The following DGAT2 variants were observed in gnomAD, a reference collection of about 807,000 sequenced individuals.
DGAT2 encodes acyl-CoA retinol O-fatty-acyltransferase.
A neutral mutation model predicts 48.4 loss-of-function variants in DGAT2; 33 were observed. The observed-to-expected ratio is 0.68, with a 90% CI of 0.52 to 0.91. The LOEUF is 0.91. Among genes scored for constraint, DGAT2 ranks in the 40% least tolerant of loss-of-function variants. DGAT2 has a pLI of 0.00. For synonymous variants in DGAT2, 191 were observed against 194.1 expected, an observed-to-expected ratio of 0.98 and a Z score of 0.13; for missense variants, 446 against 493.7, an observed-to-expected ratio of 0.90 and a Z score of 0.92.
chr11:75,777,239 C>T (rs957573586), intron 1 of DGAT2, among the ~76,000 whole-genome samples: 5 of 152,178 alleles, frequency 3.3e-5, no homozygotes, highest in African/African-American at 7.2e-5. Flanking sequence ...CATTCTGGCC[C>T]TTTTCCCTAA....
intron 4 of DGAT2, among the ~76,000 whole-genome samples, chr11:75,791,052 T>G (rs993978608): frequency 4.6e-5 from 7 of 152,224 alleles, no homozygotes; most frequent in African/African-American, 1.7e-4. Flanking sequence ...CCTGGTGAAT[T>G]GAGGATAACT....
intron 2 of DGAT2, among the ~76,000 whole-genome samples, 194 bp downstream of exon 2, chr11:75,784,940 C>G (rs1053282987): frequency 6.6e-6 from 1 of 152,158 alleles, no homozygotes; most frequent in Admixed American, 6.5e-5. Flanking sequence ...CATGAAGATT[C>G]AGCAAGATTC....
intron 1 of DGAT2, among the ~76,000 whole-genome samples, chr11:75,779,753 G>A (rs1203430433): frequency 1.3e-5 from 2 of 152,206 alleles, no homozygotes; most frequent in African/African-American, 2.4e-5. Context: ...AGAGACATCT[G>A]TAGGTAGCAG....
rs1314564094 is a variant in DGAT2, at chr11:75,790,194, C to T, written c.257C>T (p.Ala86Val). The change falls in exon 3 of 8, where the codon GCC (alanine) becomes GTC (valine). Residue 86 changes from alanine (A) to valine (V), a missense_variant. Physicochemically the swap from Ala to Val is moderately conservative, Grantham distance 64 (BLOSUM62 0). Coordinates refer to ENST00000228027, the MANE Select transcript of DGAT2 (RefSeq NM_032564.5). ...GTGGCCATCTGCCCCCCAGGAGTGGCCTGCAGTGCCATCCTCATGTACATA... is the reference window on the plus strand; with the variant it reads ...GTGGCCATCTGCCCCCCAGGAGTGGTCTGCAGTGCCATCCTCATGTACATA... ...WVLSFLVLGV[A>V]CSAILMYIFC... 8.1e-6 allele frequency: 13 copies of T among 1,613,434 alleles called. No individual in the cohort carries two copies. Among genetic ancestry groups the T allele is most frequent in the African/African-American group, 6.7e-5 (5 of 74,914 alleles).
intron 1 of DGAT2, among the ~76,000 whole-genome samples, chr11:75,781,544 C>CG (rs1944863810): frequency 6.6e-6 from 1 of 152,262 alleles, no homozygotes; most frequent in African/African-American, 2.4e-5. Context: ...CCTCCCAACT[C>CG]TAACGCCCAC....
chr11:75,781,063 C>T (rs1242826711), intron 1 of DGAT2, among the ~76,000 whole-genome samples: 3 of 152,224 alleles, frequency 2.0e-5, no homozygotes, highest in Non-Finnish European at 4.4e-5. Context: ...TTGTAATCAG[C>T]AGTTAGAACA....
chr11:75,789,675 C>T (rs1026754276), intron 2 of DGAT2, among the ~76,000 whole-genome samples: 1 of 152,202 alleles, frequency 6.6e-6, no homozygotes, highest in Non-Finnish European at 1.5e-5. Flanking sequence ...CACTGTCCTG[C>T]TGGGTGACCT....
chr11:75,776,675 G>C (rs1590864554), intron 1 of DGAT2: 2 of 152,362 alleles, frequency 1.3e-5, no homozygotes, highest in Admixed American at 1.3e-4. Flanking sequence ...TCCTGTGTGA[G>C]GCTTACGGGA....
At chr11:75,776,552 C>CT (rs1477744295) in intron 1 of DGAT2, 1 of 152,222 alleles carries the variant, frequency 6.6e-6, no homozygotes, top group Non-Finnish European at 1.5e-5. Flanking sequence ...ACTGACCAAA[C>CT]TAGACTTAGA....
At chr11:75,784,377 C>T (rs578069846) in intron 1 of DGAT2, 17 of 400,338 alleles carry the variant, frequency 4.2e-5, no homozygotes, top group Middle Eastern at 6.7e-4. Context: ...AAAATGACCC[C>T]GAGTGCGATA....
intron 7 of DGAT2, among the ~76,000 whole-genome samples, chr11:75,799,003 T>C (rs960146328): frequency 4.6e-5 from 7 of 152,002 alleles, no homozygotes; most frequent in African/African-American, 1.7e-4. Flanking sequence ...TTGTTTTGGG[T>C]GTATTTGGGA....
Position 75,784,851 on chromosome 11 carries a change from C to G in DGAT2, c.250+105C>G, listed in dbSNP as rs1944904735. 8.1e-6 allele frequency: 12 copies of G among 1,485,616 alleles called. No individual in the cohort carries two copies. In the Admixed American group the frequency reaches 1.1e-4, roughly 14 times the overall value. 92.0% of individuals were successfully genotyped at this position (1,485,616 alleles called of 1,614,324 possible). On this transcript the variant is annotated intron_variant, in intron 2 of 7. Coordinates refer to ENST00000228027, the MANE Select transcript of DGAT2 (RefSeq NM_032564.5). ...TACAGGGGTGAGGGAATAAGAGTAA[C>G]TCTTACACATGCTGCCCCACAGCAC...
chr11:75,799,454 A>AG (rs1309041794), intron 7 of DGAT2, among the ~76,000 whole-genome samples: 1 of 152,176 alleles, frequency 6.6e-6, no homozygotes, highest in African/African-American at 2.4e-5. Flanking sequence ...TGGAGATGGA[A>AG]GAGATGTGCA....
chr11:75,780,908 C>T (rs1181068677), intron 1 of DGAT2, among the ~76,000 whole-genome samples: 1 of 152,248 alleles, frequency 6.6e-6, no homozygotes, highest in Non-Finnish European at 1.5e-5. Context: ...ACCTTTCACT[C>T]AGCCCTGCAT....
chr11:75,778,163 A>C (rs2135761208), intron 1 of DGAT2, among the ~76,000 whole-genome samples: 1 of 151,890 alleles, frequency 6.6e-6, no homozygotes, highest in East Asian at 1.9e-4. Flanking sequence ...CAACTTCTTT[A>C]TTCTCAGCTT....
intron 1 of DGAT2, chr11:75,776,269 G>C (rs1184665777): frequency 6.6e-6 from 1 of 152,232 alleles, no homozygotes; most frequent in Non-Finnish European, 1.5e-5. Context: ...CAGTCATTCA[G>C]CAAACATCGA....
intron 1 of DGAT2, among the ~76,000 whole-genome samples, chr11:75,781,041 T>C (rs909012035): frequency 5.9e-5 from 9 of 152,236 alleles, no homozygotes; most frequent in African/African-American, 1.9e-4. Flanking sequence ...TCCAGTGTGA[T>C]GGAGAATCAG....
In DGAT2 at chr11:75,796,355, A is replaced by T. The variant is rs776363348; in HGVS notation, c.457A>T (p.Thr153Ser). ...GGTGAAGACACACAACCTGCTGACC[A>T]CCAGGAACTATATCTTTGGATACCA... The part of the protein sequence containing the change: ...QLVKTHNLLT[T>S]RNYIFGYHPH... Residue 153 changes from threonine (T) to serine (S), a missense_variant, in exon 5 of 8, where the codon ACC (threonine) becomes TCC (serine). Coordinates refer to ENST00000228027, the MANE Select transcript of DGAT2 (RefSeq NM_032564.5). 2 of 1,614,096 alleles carry T rather than the reference A, an allele frequency of 1.2e-6. No homozygotes were observed. Among genetic ancestry groups the T allele is most frequent in the Non-Finnish European group, 1.7e-6 (2 of 1,179,984 alleles).
intron 2 of DGAT2, among the ~76,000 whole-genome samples, chr11:75,789,123 C>A (rs1344463602): frequency 6.6e-6 from 1 of 151,920 alleles, no homozygotes. Flanking sequence ...AGCCCCCAGG[C>A]AAGTCTTCCA....
Sources: allele counts gnomAD v4.1 joint callset (sites outside exome capture counted in the v4.1 genomes callset), GRCh38; gene constraint gnomAD v4.1.1; transcripts MANE v1.5; gene names NCBI Gene and HGNC (gene_info 2026-07-23, HGNC 2026-07-21).